SPTB: variants seen among roughly 807,000 people sequenced by gnomAD.
SPTB encodes spectrin beta, erythrocytic, also known as spectrin beta chain, erythrocytic.
In SPTB, 45 loss-of-function variants were observed where a neutral mutation model predicts 256.2. That is an observed-to-expected ratio of 0.18 (90% CI 0.14 to 0.23). The LOEUF is 0.23. Ranked by LOEUF, SPTB falls within the 10% of genes least tolerant of loss-of-function variation. The pLI is 1.00. For missense variants in SPTB, 2,715 were observed against 3,040.4 expected, an observed-to-expected ratio of 0.89 and a Z score of 2.52; for synonymous variants, 1,231 against 1,243.1, an observed-to-expected ratio of 0.99 and a Z score of 0.21.
chr14:64,838,953 T>C (rs2083565055), intron 1 of SPTB, among the ~76,000 whole-genome samples: 1 of 152,022 alleles, frequency 6.6e-6, no homozygotes, highest in African/African-American at 2.4e-5. Context: ...ACCAAAATGG[T>C]GGAACCCCAT....
chr14:64,821,099 C>T (rs1407499245), intron 2 of SPTB, among the ~76,000 whole-genome samples: 2 of 152,166 alleles, frequency 1.3e-5, no homozygotes, highest in Non-Finnish European at 2.9e-5. Context: ...ATCACACACA[C>T]CCTTCAATTC....
At chr14:64,767,540 C>G in intron 30 of SPTB, 123 bp downstream of exon 30, 4 of 1,428,568 alleles carry the variant, frequency 2.8e-6, no homozygotes, top group Non-Finnish European at 3.9e-6. Flanking sequence ...TTCCCATTGT[C>G]GCTGCTGGCC....
In SPTB at chr14:64,796,548, C is replaced by A. The variant is rs763863536; in HGVS notation, c.1341+9G>T. 7 of 1,614,138 alleles carry A rather than the reference C, an allele frequency of 4.3e-6. No individual in the cohort carries two copies. Among genetic ancestry groups the A allele is most frequent in the Non-Finnish European group, 5.9e-6 (7 of 1,180,022 alleles). ...CCTCTCCTGTCACCCAAAGCATGTC[C>A]CTCATTACCTGGGCCACGAGGCGCT... On this transcript the variant is annotated intron_variant, in intron 11 of 35. Coordinates refer to ENST00000644917, the MANE Select transcript of SPTB (RefSeq NM_001355436.2). This position sits in a 1 kb window ranked among gnomAD's most constrained non-coding sequence, Gnocchi z 4.1.
chr14:64,804,575 C>G (rs1035473368), intron 3 of SPTB, among the ~76,000 whole-genome samples: 1 of 152,170 alleles, frequency 6.6e-6, no homozygotes, highest in Non-Finnish European at 1.5e-5. Context: ...GTAAAACACA[C>G]AGTAAAATGG....
In SPTB at chr14:64,786,338, G is replaced by A; in HGVS notation, c.3561+66C>T. On this transcript the variant is annotated intron_variant, in intron 16 of 35. Transcript: ENST00000644917. This position sits in a 1 kb window ranked among gnomAD's most constrained non-coding sequence, Gnocchi z 5.6. ...GGTCCCTGAGTCTTACAGCACATTT[G>A]TGGACTCACCACAAGAGCTACTGCC... 1 of 1,593,286 alleles carries A rather than the reference G, an allele frequency of 6.3e-7. No individual in the cohort carries two copies.
At chr14:64,813,443 A>G (rs1431478197) in intron 2 of SPTB, among the ~76,000 whole-genome samples, 2 of 152,060 alleles carry the variant, frequency 1.3e-5, no homozygotes, top group African/African-American at 2.4e-5. Context: ...ACAATTTGGG[A>G]TTTCTCTCCT....
chr14:64,750,536 G>A (rs1462275095), intron 33 of SPTB, among the ~76,000 whole-genome samples: 1 of 151,984 alleles, frequency 6.6e-6, no homozygotes, highest in Non-Finnish European at 1.5e-5. Context: ...AGCACTTTGG[G>A]AGGCCGAGGC....
intron 1 of SPTB, among the ~76,000 whole-genome samples, chr14:64,842,145 T>C (rs541794941): frequency 6.6e-6 from 1 of 152,374 alleles, no homozygotes; most frequent in South Asian, 2.1e-4. Context: ...GGAAGGCGCG[T>C]GTGCGGGGCC....
rs2083611875 is a variant in SPTB at position 64,841,803 on chromosome 14, AAAG to A, written c.-51-18661_-51-18659del. On this transcript the variant is annotated intron_variant, in intron 1 of 35. Transcript: ENST00000644917. This position sits in a 1 kb window ranked among gnomAD's most constrained non-coding sequence, Gnocchi z 4.6. ...CACAGCACACATTTACCTATTTGCA[AAAG>A]AAGGGAAACCCCCGCGTATGGAACC... is the stretch of plus-strand genomic sequence containing the variant. Among the ~76,000 whole-genome samples, 1 of 152,072 alleles carries A rather than the reference AAAG, an allele frequency of 6.6e-6. No homozygotes were observed. The highest frequency in any genetic ancestry group is 1.5e-5 in the Non-Finnish European group (1 of 68,020).
At chr14:64,780,558 C>T (rs1477817800) in intron 20 of SPTB, among the ~76,000 whole-genome samples, 2 of 152,290 alleles carry the variant, frequency 1.3e-5, no homozygotes, top group South Asian at 2.1e-4. Flanking sequence ...GGATCATAGG[C>T]GTGTGCCACC....
chr14:64,767,767 G>C lies in SPTB; in HGVS notation c.6115C>G (p.His2039Asp). 1 of 1,614,198 alleles carries C rather than the reference G, an allele frequency of 6.2e-7. No individual in the cohort carries two copies. The part of the protein sequence containing the change: ...EPYLASGDFG[H>D]TVDSVEKLIK... ...AGCTTCTCCACACTGTCCACTGTGT[G>C]TCCAAAGTCCCCGCTGGCCAGGTAG... The change falls in exon 30 of 36, where the codon CAC becomes GAC. Residue 2039 changes from histidine to aspartate, a missense_variant. Physicochemically the swap from His to Asp is moderately conservative, Grantham distance 81. Transcript: ENST00000644917.
Position 64,761,777 on chromosome 14 carries a change from C to T in SPTB, c.6345+4949G>A, listed in dbSNP as rs141802396. On this transcript the variant is annotated intron_variant, in intron 32 of 35. Coordinates refer to ENST00000644917, the MANE Select transcript of SPTB (RefSeq NM_001355436.2). ...CTGAAGGAGCTGCTGGCTGCTTAGT[C>T]GCTCAGTGGCCCTGAGCCAGCCACT... Among the ~76,000 whole-genome samples the T allele has an allele frequency of 3.7e-3, 556 of 152,286 alleles. 7 individuals carry two copies. Among genetic ancestry groups the T allele is most frequent in the South Asian group, 0.035 (168 of 4,830 alleles).
chr14:64,794,085 G>A (rs2139597648), intron 13 of SPTB, among the ~76,000 whole-genome samples: 1 of 151,992 alleles, frequency 6.6e-6, no homozygotes, highest in East Asian at 1.9e-4. Context: ...ATAAAAAGTG[G>A]GGTTAGTTCT....
intron 1 of SPTB, among the ~76,000 whole-genome samples, chr14:64,856,047 C>T (rs2083868260): frequency 6.6e-6 from 1 of 152,210 alleles, no homozygotes; most frequent in Admixed American, 6.5e-5. Flanking sequence ...CCAGCTGGCC[C>T]CAAGCCTCCT....
At chr14:64,776,785 C>G (rs576788426) in intron 22 of SPTB, among the ~76,000 whole-genome samples, 1 of 152,340 alleles carries the variant, frequency 6.6e-6, no homozygotes, top group African/African-American at 2.4e-5. Flanking sequence ...TTTCTAGTAT[C>G]TGTGCAGGGT....
Position 64,801,369 on chromosome 14 carries a change from C to T in SPTB, c.679G>A (p.Asp227Asn). ...PDLIDFDKLK[D>N]SNARHNLEHA... ...TCCAGGTTGTGCCGGGCATTGGAGT[C>T]CTTCAGCTTATCAAAGTCGATCAGG... The change falls in exon 7 of 36, where the codon GAC becomes AAC. Residue 227 changes from aspartate to asparagine, a missense_variant. Coordinates refer to ENST00000644917, the MANE Select transcript of SPTB (RefSeq NM_001355436.2). 1.9e-6 allele frequency: 3 copies of T among 1,614,194 alleles called. No homozygotes were observed. Among genetic ancestry groups the T allele is most frequent in the Non-Finnish European group, 2.5e-6 (3 of 1,180,032 alleles).
rs545606941 is a variant in SPTB at position 64,823,392 on chromosome 14, C to T, written c.-51-247G>A. On this transcript the variant is annotated intron_variant, in intron 1 of 35. Transcript: ENST00000644917. This position sits in a 1 kb window ranked among gnomAD's most constrained non-coding sequence, Gnocchi z 6.5. ...GAGCTGCACGTAGCAAGGGTCAGGA[C>T]GGCCAGCAGGTGGAGACGTCAGTCG... is the stretch of plus-strand genomic sequence containing the variant. Among the ~76,000 whole-genome samples the T allele has an allele frequency of 7.9e-5, 12 of 152,280 alleles. No homozygotes were observed. The highest frequency in any genetic ancestry group is 3.9e-4 in the East Asian group (2 of 5,174).
At chr14:64,817,416 A>G (rs1256521941) in intron 2 of SPTB, among the ~76,000 whole-genome samples, 1 of 152,262 alleles carries the variant, frequency 6.6e-6, no homozygotes, top group Non-Finnish European at 1.5e-5. Flanking sequence ...GTCTCTAAAT[A>G]AAACCCCATT....
intron 1 of SPTB, among the ~76,000 whole-genome samples, chr14:64,870,959 GA>G (rs1882495135): frequency 6.6e-6 from 1 of 152,192 alleles, no homozygotes; most frequent in East Asian, 1.9e-4. Context: ...TTTGGAAGAT[GA>G]AAAACGTCCA....
Sources: gnomAD v4.1 joint callset for allele counts (sites outside exome capture counted in the v4.1 genomes callset) on GRCh38, gnomAD v4.1.1 for gene constraint, Gnocchi (gnomAD v3.1) non-coding constraint, MANE v1.5 for transcripts, NCBI Gene and HGNC (gene_info 2026-07-23, HGNC 2026-07-21) for gene names.